CHD9: variants seen among roughly 807,000 people sequenced by gnomAD.
The protein encoded by CHD9 is ATP-dependent chromatin remodeler CHD9.
Under a neutral mutation model 316.1 loss-of-function variants are expected in CHD9, and 77 were observed. That is an observed-to-expected ratio of 0.24 (90% CI 0.20 to 0.29). CHD9 has a LOEUF of 0.29. Among genes scored for constraint, CHD9 ranks in the 10% least tolerant of loss-of-function variants. The probability of loss-of-function intolerance (pLI) is 1.00; values close to 1 mark genes in which losing one functional copy is unlikely to be tolerated. For missense variants in CHD9, 2,763 were observed against 3,438.1 expected, an observed-to-expected ratio of 0.80 and a Z score of 4.91; for synonymous variants, 1,129 against 1,158.3, an observed-to-expected ratio of 0.97 and a Z score of 0.51.
At chr16:53,296,689 C>A (rs1482067305) in intron 29 of CHD9, among the ~76,000 whole-genome samples, 1 of 151,966 alleles carries the variant, frequency 6.6e-6, no homozygotes, top group Non-Finnish European at 1.5e-5. Context: ...TTGCGATCCG[C>A]CCGCCTCGGC....
chr16:53,304,738 A>C (rs1597926802), intron 31 of CHD9, 113 bp downstream of exon 31: 2 of 925,248 alleles, frequency 2.2e-6, no homozygotes, highest in Non-Finnish European at 1.5e-6. Context: ...CTTGTTGCCC[A>C]GGCTGGAGTG....
intron 1 of CHD9, among the ~76,000 whole-genome samples, chr16:53,083,473 CCT>C (rs1028309582): frequency 5.3e-4 from 81 of 152,250 alleles, no homozygotes; most frequent in Middle Eastern, 3.4e-3. Context: ...GGTTTTTTCC[CCT>C]CTTTCTCTGC....
chr16:53,112,123 T>G (rs1015503566), intron 1 of CHD9, among the ~76,000 whole-genome samples: 1 of 152,230 alleles, frequency 6.6e-6, no homozygotes, highest in Non-Finnish European at 1.5e-5. Context: ...CAGCAGGTCT[T>G]TCTTCTGTTT....
chr16:53,273,570 C>T, intron 22 of CHD9, 56 bp from the exon 23 acceptor site: 1 of 1,352,070 alleles, frequency 7.4e-7, no homozygotes, highest in Non-Finnish European at 1.0e-6. Context: ...AACAATCTTT[C>T]AGATTGCAAA....
chr16:53,066,067 A>T (rs1342432431), intron 1 of CHD9, among the ~76,000 whole-genome samples: 1 of 152,168 alleles, frequency 6.6e-6, no homozygotes, highest in Non-Finnish European at 1.5e-5. Context: ...TGCAATCAAC[A>T]GGCAATTTGC....
intron 34 of CHD9, among the ~76,000 whole-genome samples, chr16:53,313,167 A>C (rs2056607201): frequency 6.6e-6 from 1 of 152,138 alleles, no homozygotes; most frequent in Admixed American, 6.5e-5. Flanking sequence ...GTGACTAAAA[A>C]GTTACTGGTA....
chr16:53,204,064 CACACACA>C (rs2045694476), intron 2 of CHD9, among the ~76,000 whole-genome samples: 1 of 80,264 alleles, frequency 1.2e-5, no homozygotes, highest in African/African-American at 3.9e-5. Context: ...TATATACACA[CACACACA>C]CACACACACA....
chr16:53,296,946 C>G lies in CHD9; in HGVS notation c.5511-10C>G. The G allele has an allele frequency of 6.3e-7, 1 of 1,599,900 alleles. No individual in the cohort carries two copies. Among genetic ancestry groups the G allele is most frequent in the East Asian group, 2.2e-5 (1 of 44,446 alleles). On this transcript the variant is annotated splice_polypyrimidine_tract_variant and intron_variant, in intron 29 of 38. Coordinates refer to ENST00000447540, the MANE Select transcript of CHD9 (RefSeq NM_001308319.2). ...AGTGTGGTTTTTTTCTTTAATCTGACTCAAAATAGATGGACAAGAAGAGAA... is the reference window on the plus strand; with the variant it reads ...AGTGTGGTTTTTTTCTTTAATCTGAGTCAAAATAGATGGACAAGAAGAGAA...
chr16:53,081,492 C>T (rs2035011346), intron 1 of CHD9, among the ~76,000 whole-genome samples: 1 of 152,148 alleles, frequency 6.6e-6, no homozygotes, highest in Non-Finnish European at 1.5e-5. Context: ...ATCAGAATTT[C>T]CATGAGTTTG....
intron 1 of CHD9, among the ~76,000 whole-genome samples, chr16:53,074,625 A>C (rs115876688): frequency 8.9e-4 from 135 of 152,328 alleles, no homozygotes; most frequent in African/African-American, 3.1e-3. Flanking sequence ...AAAGGGGTCA[A>C]TGTAGAGCTT....
intron 1 of CHD9, among the ~76,000 whole-genome samples, chr16:53,134,041 A>G (rs1169109296): frequency 6.6e-6 from 1 of 152,250 alleles, no homozygotes; most frequent in Non-Finnish European, 1.5e-5. Flanking sequence ...TGTCATAGAA[A>G]AAAAAGCTTA....
Position 53,155,932 on chromosome 16 carries a change from G to T in CHD9, c.-158G>T. ...TTTGTTCCTTTTTTTCTAGGATTTT[G>T]ACACTTCATGACATGTCATTATTTA... On this transcript the variant is annotated 5_prime_UTR_variant, in exon 2 of 39. Transcript: ENST00000447540. The T allele has an allele frequency of 1.6e-6, 1 of 637,934 alleles. No homozygotes were observed. The allele number at this position is 637,934 out of a possible 1,614,324, so 39.5% of individuals were successfully genotyped here. A position where few individuals can be genotyped will look rare whatever the true frequency, so the allele number is the denominator to read the frequency against.
intron 20 of CHD9, among the ~76,000 whole-genome samples, chr16:53,265,336 G>A (rs1006005962): frequency 1.3e-4 from 20 of 152,158 alleles, no homozygotes; most frequent in African/African-American, 4.3e-4. Context: ...CCAAGAGTTC[G>A]AGGTTGCAGT....
intron 24 of CHD9, among the ~76,000 whole-genome samples, chr16:53,285,082 C>CAATCAA (rs1403066423): frequency 3.9e-5 from 6 of 152,114 alleles, no homozygotes; most frequent in Non-Finnish European, 8.8e-5. Flanking sequence ...TTGAGTGTTT[C>CAATCAA]AATCAAATTA....
At chr16:53,055,244 T>TGGGCCTAGAGCA (rs1238830811) in intron 1 of CHD9, among the ~76,000 whole-genome samples, 167 bp downstream of exon 1, 2 of 152,058 alleles carry the variant, frequency 1.3e-5, no homozygotes, top group Non-Finnish European at 2.9e-5. Flanking sequence ...GCCTCGGAGC[T>TGGGCCTAGAGCA]GGGCCTAGAG....
intron 24 of CHD9, among the ~76,000 whole-genome samples, chr16:53,278,745 G>A (rs2053117511): frequency 6.6e-6 from 1 of 152,064 alleles, no homozygotes; most frequent in African/African-American, 2.4e-5. Flanking sequence ...GCAGCCAACA[G>A]ACACATGAAA....
chr16:53,269,674 T>G (rs915544261), intron 22 of CHD9, among the ~76,000 whole-genome samples: 2 of 152,110 alleles, frequency 1.3e-5, no homozygotes, highest in Non-Finnish European at 2.9e-5. Context: ...TAGAAAAAAG[T>G]AAGGCACTAA....
rs2046177808 is a variant in CHD9, at chr16:53,209,706, T to G, written c.1677T>G (p.Val559=). 2 of 1,613,598 alleles carry G rather than the reference T, an allele frequency of 1.2e-6. No individual in the cohort carries two copies. The highest frequency in any genetic ancestry group is 1.7e-6 in the Non-Finnish European group (2 of 1,179,716). ...CTGAAAACTTTCCTACTGCTTCAGT[T>G]GAAGGAAAAGAGGAAAAGAAAGGTA... is the stretch of plus-strand genomic sequence containing the variant. ...MSPENFPTAS[V]EGKEEKKGRR... The change falls in exon 3 of 39, where the codon GTT becomes GTG. Residue 559 remains valine (V), a synonymous_variant. Transcript: ENST00000447540.
chr16:53,258,817 G>T (rs926650978), intron 19 of CHD9, among the ~76,000 whole-genome samples: 35 of 151,924 alleles, frequency 2.3e-4, no homozygotes, highest in African/African-American at 7.5e-4. Context: ...CAGCCAGGTG[G>T]GTCCTAGAAA....
Sources: allele counts gnomAD v4.1 joint callset (sites outside exome capture counted in the v4.1 genomes callset), GRCh38; gene constraint gnomAD v4.1.1; transcripts MANE v1.5; gene names NCBI Gene and HGNC (gene_info 2026-07-23, HGNC 2026-07-21).